Variants in AK5 observed in about 807,000 individuals in gnomAD.
AK5 encodes adenylate kinase 5.
Under a neutral mutation model 69.5 loss-of-function variants are expected in AK5, and 27 were observed. The ratio of observed to expected loss-of-function variants is 0.39; its 90% CI spans 0.29 to 0.54. The LOEUF (loss-of-function observed/expected upper bound fraction) is 0.54, where lower values mean the gene tolerates loss of function less well. AK5 is among the 20% of genes least tolerant of loss of function. The pLI, the probability that AK5 is intolerant of heterozygous loss-of-function variation, is 0.71. For missense variants in AK5, 531 were observed against 700.4 expected (o/e 0.76, Z 2.73); for synonymous variants, 260 against 244.4 (o/e 1.06, Z -0.60).
intron 6 of AK5, among the ~76,000 whole-genome samples, chr1:77,366,044 C>T (rs1268898827): frequency 6.6e-6 from 1 of 151,830 alleles, no homozygotes; most frequent in African/African-American, 2.4e-5. Flanking sequence ...TCCCCGAAAA[C>T]CTATTGAAAT....
intron 12 of AK5, among the ~76,000 whole-genome samples, chr1:77,524,846 C>T (rs1417232296): frequency 6.6e-6 from 1 of 152,068 alleles, no homozygotes; most frequent in Admixed American, 6.6e-5. Context: ...TCCGTATTTT[C>T]TTCTAAAAGC....
At chr1:77,532,904 C>G (rs1343282308) in intron 12 of AK5, among the ~76,000 whole-genome samples, 2 of 152,176 alleles carry the variant, frequency 1.3e-5, no homozygotes, top group Admixed American at 6.5e-5. Flanking sequence ...TAACCACAGT[C>G]CGGTGAAAAC....
intron 5 of AK5, among the ~76,000 whole-genome samples, chr1:77,298,376 T>G (rs1369042616): frequency 6.6e-6 from 1 of 151,996 alleles, no homozygotes; most frequent in African/African-American, 2.4e-5. Flanking sequence ...TAAGATAGGG[T>G]TCAGTTGCCA....
intron 8 of AK5, among the ~76,000 whole-genome samples, chr1:77,442,593 T>A (rs997655410): frequency 6.6e-6 from 1 of 152,180 alleles, no homozygotes; most frequent in African/African-American, 2.4e-5. Flanking sequence ...TGTGTGACCA[T>A]CCTGAGTTTC....
At chr1:77,523,816 AC>A (rs1349943497) in intron 12 of AK5, among the ~76,000 whole-genome samples, 1 of 152,042 alleles carries the variant, frequency 6.6e-6, no homozygotes, top group Non-Finnish European at 1.5e-5. Flanking sequence ...GGACTGCACC[AC>A]CACACCCAGC....
chr1:77,485,990 C>T (rs1403632732), intron 9 of AK5, among the ~76,000 whole-genome samples: 1 of 151,964 alleles, frequency 6.6e-6, no homozygotes, highest in Admixed American at 6.6e-5. Context: ...GGTGGCATGC[C>T]TATAATCCCA....
chr1:77,291,944 T>C (rs373992935), intron 2 of AK5, among the ~76,000 whole-genome samples: 1 of 152,156 alleles, frequency 6.6e-6, no homozygotes, highest in Non-Finnish European at 1.5e-5. Flanking sequence ...TAAGGTAAAG[T>C]GTCAATGACA....
Position 77,414,043 on chromosome 1 carries a change from G to A in AK5, c.982+2972G>A, listed in dbSNP as rs533591482. Among the ~76,000 whole-genome samples the A allele has an allele frequency of 2.6e-5, 4 of 152,316 alleles. No individual in the cohort carries two copies. In the East Asian group the frequency reaches 5.8e-4, roughly 22 times the overall value. On this transcript the variant is annotated intron_variant, in intron 7 of 13. Coordinates refer to ENST00000354567, the MANE Select transcript of AK5 (RefSeq NM_174858.3). ...CCTCTCAGTGCTTAATGCAGGTCAG[G>A]CACTTATAGGAGACATTTAATGTTT...
intron 5 of AK5, among the ~76,000 whole-genome samples, chr1:77,313,024 CA>C (rs1383444745): frequency 1.3e-5 from 2 of 152,072 alleles, no homozygotes; most frequent in Non-Finnish European, 2.9e-5. Flanking sequence ...TGCAAAGATC[CA>C]GACTTCTTCT....
At chr1:77,400,059 C>T (rs916687537) in intron 6 of AK5, among the ~76,000 whole-genome samples, 1 of 152,198 alleles carries the variant, frequency 6.6e-6, no homozygotes, top group Non-Finnish European at 1.5e-5. Flanking sequence ...ATGCATCATG[C>T]AGAGAAACAG....
At chr1:77,437,451 A>T (rs1428421133) in intron 8 of AK5, among the ~76,000 whole-genome samples, 1 of 152,150 alleles carries the variant, frequency 6.6e-6, no homozygotes, top group Non-Finnish European at 1.5e-5. Context: ...AATCCAAATT[A>T]TATTTCTGAC....
intron 12 of AK5, among the ~76,000 whole-genome samples, chr1:77,531,855 G>C (rs575173469): frequency 4.3e-4 from 65 of 152,008 alleles, no homozygotes; most frequent in Middle Eastern, 3.4e-3. Context: ...AGGGGGAGGT[G>C]GGGGGGAAGG....
intron 13 of AK5, among the ~76,000 whole-genome samples, chr1:77,545,159 C>G (rs945834800): frequency 1.3e-5 from 2 of 152,198 alleles, no homozygotes; most frequent in African/African-American, 4.8e-5. Context: ...AACCTTGCCT[C>G]CCTCAAGTAA....
At chr1:77,448,288 C>G (rs1293698048) in intron 8 of AK5, among the ~76,000 whole-genome samples, 1 of 152,168 alleles carries the variant, frequency 6.6e-6, no homozygotes, top group Non-Finnish European at 1.5e-5. Flanking sequence ...TTCCCATGGG[C>G]CAATCAGCAT....
chr1:77,391,525 A>C (rs6685119), intron 6 of AK5, among the ~76,000 whole-genome samples: 12,765 of 121,662 alleles, frequency 0.1, 896 homozygotes, highest in East Asian at 0.21. Flanking sequence ...ATATATATAT[A>C]TATCTCCTCA....
intron 10 of AK5, among the ~76,000 whole-genome samples, chr1:77,492,655 C>G (rs1557632783): frequency 2.0e-5 from 3 of 152,194 alleles, no homozygotes; most frequent in Non-Finnish European, 2.9e-5. Context: ...AATAGCGCAT[C>G]TGCTGAAAGC....
rs546331688 is a variant in AK5 at position 77,292,022 on chromosome 1, G to A, written c.248-1771G>A. On this transcript the variant is annotated intron_variant, in intron 2 of 13. Coordinates refer to ENST00000354567, the MANE Select transcript of AK5 (RefSeq NM_174858.3). ...GGCAGTTGATTGTGGTGGCAAGCAT[G>A]GAAGCAGGTAGATCAGTAAATAGTC... Among the ~76,000 whole-genome samples, 9 of 152,316 alleles carry A rather than the reference G, an allele frequency of 5.9e-5. No homozygotes were observed. In the East Asian group the frequency reaches 1.7e-3, roughly 29 times the overall value.
At chr1:77,452,735 C>G (rs1467874607) in intron 8 of AK5, among the ~76,000 whole-genome samples, 1 of 152,200 alleles carries the variant, frequency 6.6e-6, no homozygotes, top group Non-Finnish European at 1.5e-5. Context: ...TTCACTGGGC[C>G]TGGCTGTCTG....
intron 7 of AK5, among the ~76,000 whole-genome samples, chr1:77,415,450 G>T (rs1163122071): frequency 6.6e-6 from 1 of 152,122 alleles, no homozygotes; most frequent in Non-Finnish European, 1.5e-5. Context: ...GGTATCATTT[G>T]AATCCAATAG....
Sources: allele counts gnomAD v4.1 joint callset (sites outside exome capture counted in the v4.1 genomes callset), GRCh38; gene constraint gnomAD v4.1.1; transcripts MANE v1.5; gene names NCBI Gene and HGNC (gene_info 2026-07-23, HGNC 2026-07-21).